SLC38A11: variants seen among roughly 807,000 people sequenced by gnomAD.
SLC38A11 encodes the protein putative sodium-coupled neutral amino acid transporter 11.
Under a neutral mutation model 49.4 loss-of-function variants are expected in SLC38A11, and 51 were observed. The ratio of observed to expected loss-of-function variants is 1.03; its 90% confidence interval spans 0.83 to 1.30. SLC38A11 has a LOEUF of 1.30. Among genes scored for constraint, SLC38A11 ranks in the 50% most tolerant of loss-of-function variants. The pLI is 0.00. For synonymous variants in SLC38A11, 203 were observed against 192.9 expected, an observed-to-expected ratio of 1.05 and a Z score of -0.43; for missense variants, 574 against 556.2, an observed-to-expected ratio of 1.03 and a Z score of -0.32.
intron 5 of SLC38A11, among the ~76,000 whole-genome samples, chr2:164,940,022 G>A (rs1687648019): frequency 6.9e-6 from 1 of 144,226 alleles, no homozygotes. Flanking sequence ...CTATACGCAA[G>A]AGACTTGGAC....
chr2:164,915,344 A>G (rs977181501), intron 8 of SLC38A11, 71 bp from the exon 9 acceptor site: 5 of 1,349,426 alleles, frequency 3.7e-6, no homozygotes, highest in Non-Finnish European at 4.1e-6. Flanking sequence ...TGAAATTCAG[A>G]GATATATACT....
At chr2:164,916,550 A>C (rs1244409943) in intron 7 of SLC38A11, among the ~76,000 whole-genome samples, 4 of 152,178 alleles carry the variant, frequency 2.6e-5, no homozygotes, top group South Asian at 2.1e-4. Flanking sequence ...AAGAAAATCA[A>C]GCTCTGGATG....
chr2:164,924,405 G>A (rs1300045848), intron 7 of SLC38A11, among the ~76,000 whole-genome samples: 4 of 152,128 alleles, frequency 2.6e-5, no homozygotes, highest in African/African-American at 4.8e-5. Context: ...GTAATGACGG[G>A]ATCATTTGTA....
At chr2:164,950,883 C>A (rs1340396656) in intron 3 of SLC38A11, among the ~76,000 whole-genome samples, 2 of 151,946 alleles carry the variant, frequency 1.3e-5, no homozygotes, top group East Asian at 3.9e-4. Flanking sequence ...CAACATTATA[C>A]CCTACATGTA....
rs1684404000 is a variant in SLC38A11 at position 164,897,770 on chromosome 2, T to G, written c.*667A>C. On this transcript the variant is annotated 3_prime_UTR_variant, in exon 12 of 12. Coordinates refer to ENST00000685975, the MANE Select transcript of SLC38A11 (RefSeq NM_001351537.2). ...TTTTTTTTGTTTGTTTGTTTGTTTT[T>G]CTGTTTTAGAATGGTGCTACCATTG... 1 of 152,330 alleles carries G rather than the reference T, an allele frequency of 6.6e-6. No individual in the cohort carries two copies. Among genetic ancestry groups the G allele is most frequent in the Admixed American group, 6.6e-5 (1 of 15,256 alleles). The allele number at this position is 152,330 out of a possible 1,614,324, so 9.4% of individuals were successfully genotyped here.
intron 7 of SLC38A11, among the ~76,000 whole-genome samples, chr2:164,927,635 G>A (rs899569686): frequency 1.3e-5 from 2 of 152,000 alleles, no homozygotes; most frequent in African/African-American, 4.8e-5. Flanking sequence ...TCTGCCAACA[G>A]TATCTTCCAA....
Position 164,915,919 on chromosome 2 carries a change from G to C in SLC38A11, c.672C>G (p.Val224=). The change falls in exon 8 of 12, where the codon GTC becomes GTG. Residue 224 remains valine (V), a synonymous_variant. Transcript: ENST00000685975. ...VFAKPNAIQA[V]GVMSFAFICH... is the part of the protein sequence containing the mutation. ...AATACTCACCAAAAGACATAACCCC[G>C]ACCGCTTGAATGGCATTGGGCTTTG... The C allele has an allele frequency of 6.2e-7, 1 of 1,601,932 alleles. No homozygotes were observed.
At position 164,897,597 on chromosome 2, in the gene SLC38A11, C is replaced by G. The variant is rs1378607295; in HGVS notation, c.*840G>C. The G allele has an allele frequency of 1.3e-5, 2 of 152,198 alleles. No individual in the cohort carries two copies. Among genetic ancestry groups the G allele is most frequent in the Non-Finnish European group, 2.9e-5 (2 of 68,086 alleles). The allele number at this position is 152,198 out of a possible 1,614,324, so 9.4% of individuals were successfully genotyped here. On this transcript the variant is annotated 3_prime_UTR_variant, in exon 12 of 12. Coordinates refer to ENST00000685975, the MANE Select transcript of SLC38A11 (RefSeq NM_001351537.2). Reference sequence around the variant, plus strand: ...AGGAACCCCCAGTGGACTGAGAAAGCTTCTTCTGTAGCCCTGATTCTTCTT... The same window carrying G: ...AGGAACCCCCAGTGGACTGAGAAAGGTTCTTCTGTAGCCCTGATTCTTCTT...
intron 11 of SLC38A11, among the ~76,000 whole-genome samples, chr2:164,902,451 A>G (rs1684719964): frequency 6.6e-6 from 1 of 152,200 alleles, no homozygotes; most frequent in Non-Finnish European, 1.5e-5. Flanking sequence ...ACTAAATGCA[A>G]GCTTTTCATA....
chr2:164,954,775 A>G lies in SLC38A11; in HGVS notation c.40-30T>C, dbSNP rs1276680637. The G allele has an allele frequency of 3.5e-6, 4 of 1,142,248 alleles. No homozygotes were observed. The East Asian group carries it at 7.9e-5, about 23-fold the overall frequency. The allele number at this position is 1,142,248 out of a possible 1,614,324, so 70.8% of individuals were successfully genotyped here. On this transcript the variant is annotated intron_variant, in intron 1 of 11. Transcript: ENST00000685975. ...TAGATAAAATAGCAATTATAAGCAA[A>G]TACTAGTTCAGAAAATTAGAAAAGT... is the stretch of plus-strand genomic sequence containing the variant.
chr2:164,947,709 A>G (rs1043824353), intron 3 of SLC38A11, among the ~76,000 whole-genome samples: 1 of 152,228 alleles, frequency 6.6e-6, no homozygotes, highest in Non-Finnish European at 1.5e-5. Flanking sequence ...CAGAAACTTG[A>G]GAATTTCCCC....
chr2:164,942,437 A>C (rs1395431349), intron 5 of SLC38A11, among the ~76,000 whole-genome samples: 1 of 151,290 alleles, frequency 6.6e-6, no homozygotes, highest in Non-Finnish European at 1.5e-5. Context: ...TGTCTCAAAA[A>C]AAAAAAAAAA....
intron 11 of SLC38A11, among the ~76,000 whole-genome samples, chr2:164,901,797 A>T (rs944887176): frequency 1.3e-5 from 2 of 152,074 alleles, no homozygotes; most frequent in African/African-American, 4.8e-5. Flanking sequence ...TATGTTGAAG[A>T]GAAGTGGCGA....
intron 3 of SLC38A11, among the ~76,000 whole-genome samples, chr2:164,948,256 C>G (rs1688274018): frequency 6.6e-6 from 1 of 152,180 alleles, no homozygotes; most frequent in Admixed American, 6.5e-5. Flanking sequence ...TTTTGACAAG[C>G]TGCACGTGAC....
At chr2:164,925,849 A>C (rs2105478311) in intron 7 of SLC38A11, among the ~76,000 whole-genome samples, 1 of 152,276 alleles carries the variant, frequency 6.6e-6, no homozygotes, top group South Asian at 2.1e-4. Flanking sequence ...TAGACATTTA[A>C]TAAGTGTTAG....
At chr2:164,933,091 C>G (rs1687118473) in intron 7 of SLC38A11, among the ~76,000 whole-genome samples, 1 of 151,986 alleles carries the variant, frequency 6.6e-6, no homozygotes, top group Non-Finnish European at 1.5e-5. Context: ...AAAGTATGGA[C>G]TCACTTTTTG....
At chr2:164,925,178 C>T (rs1039731584) in intron 7 of SLC38A11, among the ~76,000 whole-genome samples, 2 of 152,274 alleles carry the variant, frequency 1.3e-5, no homozygotes, top group Admixed American at 6.5e-5. Flanking sequence ...ACCTACTGGG[C>T]GTTCTCTAAT....
chr2:164,936,081 G>A (rs945767862), intron 7 of SLC38A11, among the ~76,000 whole-genome samples: 4 of 151,930 alleles, frequency 2.6e-5, no homozygotes, highest in African/African-American at 9.7e-5. Context: ...ATGTTTTTTT[G>A]TTATGACATT....
intron 4 of SLC38A11, among the ~76,000 whole-genome samples, chr2:164,945,372 T>C (rs35727572): frequency 0.069 from 10,429 of 151,956 alleles, 392 homozygotes; most frequent in Admixed American, 0.1. Context: ...AACATTAACC[T>C]AGTGAAAATA....
Sources: gnomAD v4.1 joint callset for allele counts (sites outside exome capture counted in the v4.1 genomes callset) on GRCh38, gnomAD v4.1.1 for gene constraint, MANE v1.5 for transcripts, NCBI Gene and HGNC (gene_info 2026-07-23, HGNC 2026-07-21) for gene names.